The following CSMD1 variants were observed in gnomAD, a reference collection of about 807,000 sequenced individuals.
CSMD1 encodes the protein CUB and sushi domain-containing protein 1.
In CSMD1, 213 loss-of-function variants were observed where a neutral mutation model predicts 417.5. The ratio of observed to expected loss-of-function variants is 0.51; its 90% CI spans 0.46 to 0.57. The LOEUF (loss-of-function observed/expected upper bound fraction) is 0.57, where lower values mean the gene tolerates loss of function less well. Among genes scored for constraint, CSMD1 ranks in the 20% least tolerant of loss-of-function variants. The pLI is 0.00. For synonymous variants in CSMD1, 2,862 were observed against 1,736.8 expected, an observed-to-expected ratio of 1.65 and a Z score of -16.11; for missense variants, 6,923 against 4,529.7, an observed-to-expected ratio of 1.53 and a Z score of -15.17.
intron 3 of CSMD1, among the ~76,000 whole-genome samples, chr8:4,323,083 G>A (rs540325497): frequency 2.1e-5 from 3 of 145,704 alleles, no homozygotes; most frequent in Admixed American, 6.7e-5. Flanking sequence ...AAGCAGCGAA[G>A]GAATGGAAAA....
rs980541833 is a variant in CSMD1 at position 3,534,702 on chromosome 8, C to G, written c.1344+40243G>C. Among the ~76,000 whole-genome samples, 3 of 152,232 alleles carry G rather than the reference C, an allele frequency of 2.0e-5. No individual in the cohort carries two copies. In the South Asian group the frequency reaches 6.2e-4, roughly 32 times the overall value. On this transcript the variant is annotated intron_variant, in intron 10 of 69. Coordinates refer to ENST00000635120, the MANE Select transcript of CSMD1 (RefSeq NM_033225.6). ...ATTGTGTACATCCTTTTTCATTCTTCTAGTCCCAGAGCCTTTAAGCAACAA... is the reference window on the plus strand; with the variant it reads ...ATTGTGTACATCCTTTTTCATTCTTGTAGTCCCAGAGCCTTTAAGCAACAA...
intron 5 of CSMD1, among the ~76,000 whole-genome samples, chr8:3,763,613 T>C (rs142685646): frequency 4.4e-4 from 67 of 152,282 alleles, no homozygotes; most frequent in South Asian, 3.7e-3. Context: ...AATAAACCTC[T>C]GTTTTAAAAA....
chr8:4,045,830 C>A lies in CSMD1; in HGVS notation c.416-13731G>T, dbSNP rs538924057. Among the ~76,000 whole-genome samples the A allele has an allele frequency of 7.3e-5, 11 of 150,910 alleles. No individual in the cohort carries two copies. In the East Asian group the frequency reaches 1.9e-3, roughly 27 times the overall value. On this transcript the variant is annotated intron_variant, in intron 3 of 69. Transcript: ENST00000635120. ...CATGGCTTCTCAGCATCTTCATCAT[C>A]CCCTTTTTCTTTCAGACTCTGGCAC...
intron 55 of CSMD1, among the ~76,000 whole-genome samples, chr8:2,977,315 G>A (rs922911911): frequency 3.3e-5 from 5 of 152,098 alleles, no homozygotes; most frequent in African/African-American, 1.2e-4. Context: ...CTGTGTCTAT[G>A]TGTTCAGCTC....
intron 5 of CSMD1, among the ~76,000 whole-genome samples, chr8:3,908,880 A>G (rs1808279595): frequency 6.6e-6 from 1 of 152,186 alleles, no homozygotes; most frequent in South Asian, 2.1e-4. Flanking sequence ...ATATAATAAC[A>G]CACCTTCCCT....
chr8:3,669,989 G>A (rs747846437), intron 7 of CSMD1, among the ~76,000 whole-genome samples: 18 of 152,108 alleles, frequency 1.2e-4, no homozygotes, highest in Non-Finnish European at 2.6e-4. Flanking sequence ...GCTATCAGGT[G>A]CAATTGCATA....
chr8:4,553,454 T>G (rs550569919), intron 2 of CSMD1, among the ~76,000 whole-genome samples: 2 of 152,210 alleles, frequency 1.3e-5, no homozygotes, highest in South Asian at 4.1e-4. Context: ...TTTTTTTTTT[T>G]TTTTACAAAT....
At chr8:3,659,798 G>A (rs1202001446) in intron 7 of CSMD1, among the ~76,000 whole-genome samples, 1 of 152,022 alleles carries the variant, frequency 6.6e-6, no homozygotes, top group Non-Finnish European at 1.5e-5. Context: ...CAATAGAACT[G>A]GGAAGTAAAA....
At chr8:4,456,586 C>G (rs1799502551) in intron 2 of CSMD1, among the ~76,000 whole-genome samples, 1 of 152,104 alleles carries the variant, frequency 6.6e-6, no homozygotes, top group South Asian at 2.1e-4. Context: ...TTCTCACAAA[C>G]ACGGCTGTAG....
intron 69 of CSMD1, among the ~76,000 whole-genome samples, chr8:2,938,999 C>G (rs1474087381): frequency 6.6e-6 from 1 of 152,198 alleles, no homozygotes; most frequent in Non-Finnish European, 1.5e-5. Flanking sequence ...GGGTCTCACT[C>G]TGTTACCCAG....
rs557418859 is a variant in CSMD1, at chr8:4,022,756, T to C, written c.610+9149A>G. 3.9e-5 allele frequency among the ~76,000 whole-genome samples: 6 copies of C among 152,238 alleles called. No homozygotes were observed. In the South Asian group the frequency reaches 6.2e-4, roughly 16 times the overall value. On this transcript the variant is annotated intron_variant, in intron 4 of 69. Transcript: ENST00000635120. ...TGGATGAACAGACAACTAGAAACTT[T>C]GGGAATCAGAGAAAACAATTGTATT... is the stretch of plus-strand genomic sequence containing the variant.
chr8:4,308,878 A>G (rs1798402355), intron 3 of CSMD1, among the ~76,000 whole-genome samples: 1 of 152,198 alleles, frequency 6.6e-6, no homozygotes, highest in South Asian at 2.1e-4. Context: ...TATTATAGCT[A>G]TAAACACATG....
chr8:3,853,986 T>C (rs1804111830), intron 5 of CSMD1, among the ~76,000 whole-genome samples: 2 of 143,938 alleles, frequency 1.4e-5, no homozygotes, highest in Admixed American at 7.0e-5. Flanking sequence ...TATATTTATA[T>C]ATTTAATATA....
chr8:4,029,301 C>T (rs761816560), intron 4 of CSMD1, among the ~76,000 whole-genome samples: 4 of 152,124 alleles, frequency 2.6e-5, no homozygotes, highest in Non-Finnish European at 5.9e-5. Context: ...AGTCTGTTTT[C>T]ACGCTGGTGA....
intron 1 of CSMD1, among the ~76,000 whole-genome samples, chr8:4,827,235 A>G (rs1436173555): frequency 6.6e-6 from 1 of 152,116 alleles, no homozygotes; most frequent in Non-Finnish European, 1.5e-5. Flanking sequence ...TTTCACAGGT[A>G]TTTTTGTAAT....
intron 2 of CSMD1, among the ~76,000 whole-genome samples, chr8:4,631,714 C>G (rs569227455): frequency 2.4e-4 from 37 of 152,262 alleles, no homozygotes; most frequent in African/African-American, 8.9e-4. Flanking sequence ...TCTATTTTAA[C>G]AACACTTATT....
intron 2 of CSMD1, among the ~76,000 whole-genome samples, chr8:4,421,886 G>A (rs748757537): frequency 3.3e-5 from 5 of 151,588 alleles, no homozygotes; most frequent in African/African-American, 4.9e-5. Flanking sequence ...CAGTTCTTTG[G>A]GAAAATAAAA....
At position 4,761,900 on chromosome 8, in the gene CSMD1, T is replaced by TATCTATCA. The variant is rs1423485083; in HGVS notation, c.86-124343_86-124342insTGATAGAT. Among the ~76,000 whole-genome samples, 307 of 96,638 alleles carry TATCTATCA rather than the reference T, an allele frequency of 3.2e-3. 1 individual carries two copies. Among genetic ancestry groups the TATCTATCA allele is most frequent in the East Asian group, 0.012 (37 of 3,022 alleles). 63.4% of individuals were successfully genotyped at this position (96,638 alleles called of 152,430 possible). On this transcript the variant is annotated intron_variant, in intron 1 of 69. Transcript: ENST00000635120. Reference sequence around the variant, plus strand: ...CTATCTATCTATCTACCTACCTATCTATCTATCTATCAATCTATCTATCTA... The same window carrying TATCTATCA: ...CTATCTATCTATCTACCTACCTATCTATCTATCAATCTATCTATCAATCTATCTATCTA...
At chr8:3,816,902 A>G (rs772449511) in intron 5 of CSMD1, among the ~76,000 whole-genome samples, 2 of 152,172 alleles carry the variant, frequency 1.3e-5, no homozygotes, top group South Asian at 2.1e-4. Flanking sequence ...CACACCTCAT[A>G]AATTCTATAT....
Sources: allele counts gnomAD v4.1 joint callset (sites outside exome capture counted in the v4.1 genomes callset), GRCh38; gene constraint gnomAD v4.1.1; transcripts MANE v1.5; gene names NCBI Gene and HGNC (gene_info 2026-07-23, HGNC 2026-07-21).